EYA3: variants seen among roughly 807,000 people sequenced by gnomAD.
The protein encoded by EYA3 is EYA transcriptional coactivator and phosphatase 3, also known as protein phosphatase EYA3.
In EYA3, 39 loss-of-function variants were observed where a neutral mutation model predicts 80.0. The ratio of observed to expected loss-of-function variants is 0.49; its 90% confidence interval spans 0.38 to 0.64. The LOEUF (loss-of-function observed/expected upper bound fraction) is 0.64, where lower values mean the gene tolerates loss of function less well. EYA3 is among the 30% of genes least tolerant of loss of function. The pLI, the probability that EYA3 is intolerant of heterozygous loss-of-function variation, is 0.00. For synonymous variants in EYA3, 206 were observed against 232.8 expected (o/e 0.88, Z 1.05); for missense variants, 523 against 676.1 (o/e 0.77, Z 2.51).
rs117025018 is a variant in EYA3 at position 27,973,466 on chromosome 1, G to C, written c.*1000C>G. ...GCAGGGGGAATAGGTAGAACCTTTC[G>C]GTCTCAAGAGCCAAGAAGCTGAAAT... On this transcript the variant is annotated 3_prime_UTR_variant, in exon 18 of 18. Coordinates refer to ENST00000373871, the MANE Select transcript of EYA3 (RefSeq NM_001990.4). The C allele has an allele frequency of 2.0e-5, 3 of 152,018 alleles. No individual in the cohort carries two copies. Among genetic ancestry groups the C allele is most frequent in the African/African-American group, 7.3e-5 (3 of 41,374 alleles). 9.4% of individuals were successfully genotyped at this position (152,018 alleles called of 1,614,324 possible).
intron 10 of EYA3, among the ~76,000 whole-genome samples, chr1:28,007,771 T>C (rs950342745): frequency 6.6e-6 from 1 of 152,236 alleles, no homozygotes; most frequent in Non-Finnish European, 1.5e-5. Flanking sequence ...AAGACATCCA[T>C]GTTCATGGAT....
chr1:27,975,783 C>T (rs1427373648), intron 17 of EYA3, among the ~76,000 whole-genome samples: 5 of 151,630 alleles, frequency 3.3e-5, no homozygotes, highest in South Asian at 4.2e-4. Context: ...CGTGCCCGGC[C>T]GATATTTTTA....
At chr1:27,982,029 CAG>C (rs1639338980) in intron 16 of EYA3, among the ~76,000 whole-genome samples, 4 of 133,926 alleles carry the variant, frequency 3.0e-5, no homozygotes, top group African/African-American at 1.1e-4. Context: ...TTTTTTGAGA[CAG>C]AGTCTTTCTC....
chr1:28,035,968 CCAT>C (rs772036760), intron 5 of EYA3, among the ~76,000 whole-genome samples: 3 of 152,184 alleles, frequency 2.0e-5, no homozygotes, highest in African/African-American at 7.2e-5. Flanking sequence ...GCACCCACCA[CCAT>C]GCCTGGCTAA....
chr1:28,061,789 C>T (rs1350210560), intron 1 of EYA3, among the ~76,000 whole-genome samples: 1 of 151,990 alleles, frequency 6.6e-6, no homozygotes, highest in Non-Finnish European at 1.5e-5. Context: ...TTAGTAGAGA[C>T]GCGGTTTCAC....
In EYA3 at chr1:28,048,398, C is replaced by T. The variant is rs1571892805; in HGVS notation, c.62G>A (p.Gly21Glu). 1 of 1,611,646 alleles carries T rather than the reference C, an allele frequency of 6.2e-7. No homozygotes were observed. The highest frequency in any genetic ancestry group is 8.5e-7 in the Non-Finnish European group (1 of 1,178,776). Reference sequence around the variant, plus strand: ...CTTTACATACCTTATAGTTTGCTCTCCTGATTCCTGCATCTTGGCTTTTTT... The same window carrying T: ...CTTTACATACCTTATAGTTTGCTCTTCTGATTCCTGCATCTTGGCTTTTTT... ...PVKKAKMQESGEQTISQVSNP... is the reference protein window; with the variant it reads ...PVKKAKMQESEEQTISQVSNP... The change falls in exon 3 of 18, where the codon GGA becomes GAA. Residue 21 changes from glycine (G) to glutamate (E), a missense_variant. Physicochemically the swap from Gly to Glu is moderately conservative, Grantham distance 98 (BLOSUM62 -2). Coordinates refer to ENST00000373871, the MANE Select transcript of EYA3 (RefSeq NM_001990.4).
At chr1:28,063,932 C>T (rs1408372660) in intron 1 of EYA3, among the ~76,000 whole-genome samples, 1 of 151,892 alleles carries the variant, frequency 6.6e-6, no homozygotes, top group Non-Finnish European at 1.5e-5. Flanking sequence ...AAGGTAGAAA[C>T]ATACATGATT....
At chr1:27,981,374 C>T (rs184794623) in intron 16 of EYA3, among the ~76,000 whole-genome samples, 15 of 152,238 alleles carry the variant, frequency 9.9e-5, no homozygotes, top group Admixed American at 7.8e-4. Flanking sequence ...GATGAGCCTG[C>T]GGGTGCCAGG....
chr1:27,975,324 G>C (rs1224815688), intron 17 of EYA3, among the ~76,000 whole-genome samples: 1 of 151,896 alleles, frequency 6.6e-6, no homozygotes, highest in Non-Finnish European at 1.5e-5. Flanking sequence ...TGGGACTAAA[G>C]GCATGTGACA....
chr1:28,012,917 C>T (rs1641789639), intron 9 of EYA3, among the ~76,000 whole-genome samples, 194 bp downstream of exon 9: 2 of 152,178 alleles, frequency 1.3e-5, no homozygotes, highest in Non-Finnish European at 2.9e-5. Flanking sequence ...TTTTCTGTTC[C>T]GTTCTCAGCA....
chr1:28,010,950 T>A lies in EYA3; in HGVS notation c.906A>T (p.Leu302Phe). 6.2e-7 allele frequency: 1 copy of A among 1,613,008 alleles called. No individual in the cohort carries two copies. The highest frequency in any genetic ancestry group is 8.5e-7 in the Non-Finnish European group (1 of 1,179,630). The stretch of plus-strand genomic sequence containing the variant: ...CTAAATCAGTTTCTTCTCATACTTC[T>A]AATTCACTGTCTTGGGAAGAAGTGG... ...ADATSSQDSE[L>F]ERVFLWDLDE... Residue 302 changes from leucine (L) to phenylalanine (F), a missense_variant, in exon 10 of 18, where the codon TTA becomes TTT. By Grantham distance (22) the Leu-to-Phe change is conservative (BLOSUM62 0). Around this residue, in one of 2 missense-constraint regions of EYA3, gnomAD observed 219 missense variants for 332.8 expected, o/e 0.66. Transcript: ENST00000373871.
chr1:28,032,829 C>A (rs1010955043), intron 6 of EYA3, among the ~76,000 whole-genome samples: 2 of 152,134 alleles, frequency 1.3e-5, no homozygotes, highest in African/African-American at 4.8e-5. Context: ...ATTTCAAACT[C>A]AACTCTGAGA....
chr1:28,050,655 G>T (rs1424729327), intron 2 of EYA3, among the ~76,000 whole-genome samples: 2 of 152,090 alleles, frequency 1.3e-5, no homozygotes, highest in African/African-American at 4.8e-5. Context: ...AAAGTCTGGG[G>T]AAGGAAAGGG....
intron 1 of EYA3, among the ~76,000 whole-genome samples, chr1:28,077,811 C>T (rs1050212014): frequency 6.6e-6 from 1 of 152,156 alleles, no homozygotes; most frequent in Non-Finnish European, 1.5e-5. Flanking sequence ...TGTGCTGCTT[C>T]CAGTTATACA....
intron 1 of EYA3, among the ~76,000 whole-genome samples, chr1:28,059,813 C>T (rs1435551322): frequency 5.9e-5 from 9 of 151,484 alleles, no homozygotes; most frequent in Non-Finnish European, 1.2e-4. Flanking sequence ...CTCCGTCTCC[C>T]GGGTTCAAGC....
intron 13 of EYA3, among the ~76,000 whole-genome samples, chr1:27,994,041 G>A (rs184931192): frequency 2.0e-5 from 3 of 152,324 alleles, no homozygotes; most frequent in Non-Finnish European, 2.9e-5. Flanking sequence ...TATGTTCATA[G>A]GTCACTGTGG....
Position 28,013,023 on chromosome 1 carries a change from A to G in EYA3, c.769+88T>C. On this transcript the variant is annotated intron_variant, in intron 9 of 17. Coordinates refer to ENST00000373871, the MANE Select transcript of EYA3 (RefSeq NM_001990.4). The surrounding 1 kb of genome is among the most constrained non-coding windows in gnomAD (Gnocchi z 4.0). The stretch of plus-strand genomic sequence containing the variant: ...AAAAGCATGGTAACAATGACTTAAG[A>G]CAGAACAAAATCATCCTTACCATTG... 1 of 1,396,290 alleles carries G rather than the reference A, an allele frequency of 7.2e-7. No individual in the cohort carries two copies. 86.5% of individuals were successfully genotyped at this position (1,396,290 alleles called of 1,614,324 possible).
intron 1 of EYA3, among the ~76,000 whole-genome samples, chr1:28,070,357 C>T (rs1196361591): frequency 1.3e-5 from 2 of 151,906 alleles, no homozygotes; most frequent in Non-Finnish European, 2.9e-5. Flanking sequence ...GTCAGGAAAT[C>T]GAGACCAGCC....
At chr1:27,977,119 A>G in intron 17 of EYA3, 1 of 985,426 alleles carries the variant, frequency 1.0e-6, no homozygotes, top group South Asian at 4.7e-5. Context: ...TCAGACCAGG[A>G]AACATTGATG....
Sources: gnomAD v4.1 joint callset for allele counts (sites outside exome capture counted in the v4.1 genomes callset) on GRCh38, gnomAD v4.1.1 for gene constraint, gnomAD v4.1.1 regional missense constraint, Gnocchi (gnomAD v3.1) non-coding constraint, MANE v1.5 for transcripts, NCBI Gene and HGNC (gene_info 2026-07-23, HGNC 2026-07-21) for gene names.